The following EREG variants were observed in gnomAD, a reference collection of about 807,000 sequenced individuals.
EREG encodes the protein epiregulin, also known as proepiregulin.
A neutral mutation model predicts 22.4 loss-of-function variants in EREG; 23 were observed. The observed-to-expected ratio is 1.03, with a 90% CI of 0.74 to 1.46. The LOEUF (loss-of-function observed/expected upper bound fraction) is 1.46. Among genes scored for constraint, EREG ranks in the 40% most tolerant of loss-of-function variants. EREG has a pLI of 0.00. For missense variants in EREG, 226 were observed against 205.9 expected (o/e 1.10, Z -0.60); for synonymous variants, 100 against 75.4 (o/e 1.33, Z -1.69).
chr4:74,376,963 G>C (rs1289752701), intron 1 of EREG, among the ~76,000 whole-genome samples: 1 of 152,116 alleles, frequency 6.6e-6, no homozygotes, highest in African/African-American at 2.4e-5. Context: ...CGGCTTAACA[G>C]ATACAAGCCT....
chr4:74,387,237 C>T lies in EREG; in HGVS notation c.*2429C>T, dbSNP rs1414907778. ...ATGTGCAGGGGGGCGATCTGGGAAT[C>T]AGTCCCCTGTGGATACCAAGGTACA... On this transcript the variant is annotated 3_prime_UTR_variant, in exon 5 of 5. Coordinates refer to ENST00000244869, the MANE Select transcript of EREG (RefSeq NM_001432.3). The T allele has an allele frequency of 3.3e-5, 5 of 152,184 alleles. No homozygotes were observed. In the East Asian group the frequency reaches 9.7e-4, roughly 29 times the overall value. The allele number at this position is 152,184 out of a possible 1,614,324, so 9.4% of individuals were successfully genotyped here.
Position 74,381,086 on chromosome 4 carries a change from G to A in EREG, c.227G>A (p.Cys76Tyr), listed in dbSNP as rs771860305. 6.2e-7 allele frequency: 1 copy of A among 1,613,580 alleles called. No homozygotes were observed. The highest frequency in any genetic ancestry group is 1.3e-5 in the African/African-American group (1 of 74,920). The change falls in exon 3 of 5, where the codon TGT becomes TAT. Residue 76 changes from cysteine to tyrosine, a missense_variant. By Grantham distance (194) the Cys-to-Tyr change is radical. Transcript: ENST00000244869. ...TKCSSDMNGY[C>Y]LHGQCIYLVD... ...TGTAGCTCTGACATGAATGGCTATT[G>A]TTTGCATGGACAGTGCATCTATCTG...
chr4:74,372,494 A>G (rs879556116), intron 1 of EREG, among the ~76,000 whole-genome samples: 2 of 152,240 alleles, frequency 1.3e-5, no homozygotes, highest in Non-Finnish European at 2.9e-5. Flanking sequence ...AATGAAAAGA[A>G]GGCAAATTGC....
Position 74,372,120 on chromosome 4 carries a change from C to T in EREG, c.67+6745C>T, listed in dbSNP as rs185238699. 1.4e-4 allele frequency among the ~76,000 whole-genome samples: 21 copies of T among 152,252 alleles called. No individual in the cohort carries two copies. In the East Asian group the frequency reaches 3.9e-3, roughly 28 times the overall value. On this transcript the variant is annotated intron_variant, in intron 1 of 4. Coordinates refer to ENST00000244869, the MANE Select transcript of EREG (RefSeq NM_001432.3). ...CTCCTTTTTGATGATTGGATTGTAA[C>T]TAAGCCCATCCCACCAGCTATCATG...
At chr4:74,371,296 G>C (rs1467858110) in intron 1 of EREG, among the ~76,000 whole-genome samples, 1 of 151,936 alleles carries the variant, frequency 6.6e-6, no homozygotes. Context: ...TGATAATCTG[G>C]ATACAAATAT....
chr4:74,378,271 G>GAAGTC, intron 1 of EREG, among the ~76,000 whole-genome samples: 1 of 152,074 alleles, frequency 6.6e-6, no homozygotes, highest in African/African-American at 2.4e-5. Context: ...TCAGGAGTAG[G>GAAGTC]AAGTCATTCT....
chr4:74,383,446 A>C (rs558029232), intron 4 of EREG, among the ~76,000 whole-genome samples: 3 of 152,272 alleles, frequency 2.0e-5, no homozygotes, highest in East Asian at 3.9e-4. Flanking sequence ...GTTAAAAAAT[A>C]GTTTGTGTCA....
chr4:74,379,503 A>C lies in EREG; in HGVS notation c.123A>C (p.Pro41=). 2 of 1,611,468 alleles carry C rather than the reference A, an allele frequency of 1.2e-6. No homozygotes were observed. The highest frequency in any genetic ancestry group is 1.7e-6 in the Non-Finnish European group (2 of 1,177,602). Reference sequence around the variant, plus strand: ...CAACTGTGATTCCATCATGTATCCCAGGAGAGTCCAGTGATAACTGCACAG... The same window carrying C: ...CAACTGTGATTCCATCATGTATCCCCGGAGAGTCCAGTGATAACTGCACAG... The part of the protein sequence containing the change: ...LSTTVIPSCI[P]GESSDNCTAL... The change falls in exon 2 of 5, where the codon CCA becomes CCC. Residue 41 remains proline (P), a synonymous_variant. Transcript: ENST00000244869.
rs940884413 is a variant in EREG, at chr4:74,370,611, G to T, written c.67+5236G>T. Among the ~76,000 whole-genome samples the T allele has an allele frequency of 2.0e-5, 3 of 151,342 alleles. No individual in the cohort carries two copies. The South Asian group carries it at 6.3e-4, about 32-fold the overall frequency. On this transcript the variant is annotated intron_variant, in intron 1 of 4. Transcript: ENST00000244869. ...TATTCAGTATTAACTGAAGATATTT[G>T]TGTGTGTGTGTGTGTGAGAGAGAGA... is the stretch of plus-strand genomic sequence containing the variant.
intron 1 of EREG, among the ~76,000 whole-genome samples, chr4:74,372,281 C>T (rs1752303950): frequency 6.6e-6 from 1 of 152,198 alleles, no homozygotes; most frequent in Non-Finnish European, 1.5e-5. Flanking sequence ...TGTGGGTTCT[C>T]TGAATAAAAA....
intron 3 of EREG, 62 bp from the exon 4 acceptor site, chr4:74,382,583 A>G: frequency 1.4e-6 from 2 of 1,384,370 alleles, no homozygotes; most frequent in Middle Eastern, 1.9e-4. Flanking sequence ...TATAAAACTA[A>G]TTCATAACCA....
At chr4:74,369,821 CG>C (rs762664644) in intron 1 of EREG, among the ~76,000 whole-genome samples, 2 of 148,148 alleles carry the variant, frequency 1.3e-5, no homozygotes, top group Non-Finnish European at 3.0e-5. Context: ...TTTTCTCATC[CG>C]AAAAAAAAAA....
Position 74,379,474 on chromosome 4 carries a change from A to G in EREG, c.94A>G (p.Ser32Gly). Residue 32 changes from serine to glycine, a missense_variant, in exon 2 of 5, where the codon AGT (serine) becomes GGT (glycine). Physicochemically the swap from Ser to Gly is moderately conservative, Grantham distance 56 (BLOSUM62 0). Transcript: ENST00000244869. ...LGFHLLQAVL[S>G]TTVIPSCIPG... ...TTTCCATCTTCTACAGGCAGTCCTC[A>G]GTACAACTGTGATTCCATCATGTAT... 5.6e-6 allele frequency: 9 copies of G among 1,610,768 alleles called. No individual in the cohort carries two copies. Among genetic ancestry groups the G allele is most frequent in the Non-Finnish European group, 7.6e-6 (9 of 1,176,970 alleles).
At chr4:74,381,264 C>T in intron 3 of EREG, 127 bp downstream of exon 3, 1 of 759,612 alleles carries the variant, frequency 1.3e-6, no homozygotes, top group Non-Finnish European at 2.1e-6. Flanking sequence ...AGTACCTACC[C>T]CTCAAATAGT....
At chr4:74,365,972 G>T (rs897685724) in intron 1 of EREG, among the ~76,000 whole-genome samples, 34 of 152,048 alleles carry the variant, frequency 2.2e-4, no homozygotes, top group African/African-American at 2.4e-5. Context: ...AGGTCCTGGC[G>T]CTCCCCACCG....
intron 1 of EREG, among the ~76,000 whole-genome samples, chr4:74,369,182 T>C (rs1752249520): frequency 6.6e-6 from 1 of 152,202 alleles, no homozygotes; most frequent in Admixed American, 6.5e-5. Context: ...TGGGGTACAA[T>C]TGGTTTTTTG....
chr4:74,379,483 G>T lies in EREG; in HGVS notation c.103G>T (p.Val35Leu). Residue 35 changes from valine (V) to leucine (L), a missense_variant, in exon 2 of 5, where the codon GTG (valine) becomes TTG (leucine). By Grantham distance (32) the Val-to-Leu change is conservative. Coordinates refer to ENST00000244869, the MANE Select transcript of EREG (RefSeq NM_001432.3). The stretch of plus-strand genomic sequence containing the variant: ...TCTACAGGCAGTCCTCAGTACAACT[G>T]TGATTCCATCATGTATCCCAGGAGA... ...HLLQAVLSTTVIPSCIPGESS... is the reference protein window; with the variant it reads ...HLLQAVLSTTLIPSCIPGESS... The T allele has an allele frequency of 6.2e-7, 1 of 1,612,632 alleles. No individual in the cohort carries two copies. Among genetic ancestry groups the T allele is most frequent in the Non-Finnish European group, 8.5e-7 (1 of 1,178,734 alleles).
chr4:74,365,342 G>A lies in EREG; in HGVS notation c.34G>A (p.Ala12Thr). 1 of 1,609,570 alleles carries A rather than the reference G, an allele frequency of 6.2e-7. No individual in the cohort carries two copies. The highest frequency in any genetic ancestry group is 8.5e-7 in the Non-Finnish European group (1 of 1,179,972). Reference protein sequence around the residue: ...TAGRRMEMLCAGRVPALLLCL... With the variant: ...TAGRRMEMLCTGRVPALLLCL... ...GGGGAGGAGGATGGAGATGCTCTGT[G>A]CCGGCAGGGTCCCTGCGCTGCTGCT... is the stretch of plus-strand genomic sequence containing the variant. Residue 12 changes from alanine (A) to threonine (T), a missense_variant, in exon 1 of 5, where the codon GCC becomes ACC. Transcript: ENST00000244869.
At chr4:74,365,472 C>G in intron 1 of EREG, 97 bp downstream of exon 1, 1 of 905,226 alleles carries the variant, frequency 1.1e-6, no homozygotes. Context: ...GAGTTGTCTC[C>G]AGGTTCAAGT....
Sources: allele counts gnomAD v4.1 joint callset (sites outside exome capture counted in the v4.1 genomes callset), GRCh38; gene constraint gnomAD v4.1.1; transcripts MANE v1.5; gene names NCBI Gene and HGNC (gene_info 2026-07-23, HGNC 2026-07-21).